CTNNA3: variants seen among roughly 807,000 people sequenced by gnomAD.
CTNNA3 encodes the protein catenin alpha-3.
In CTNNA3, 76 loss-of-function variants were observed where a neutral mutation model predicts 95.7. The ratio of observed to expected loss-of-function variants is 0.79; its 90% CI spans 0.66 to 0.96. The LOEUF (loss-of-function observed/expected upper bound fraction) is 0.96. Among genes scored for constraint, CTNNA3 ranks in the 40% least tolerant of loss-of-function variants. CTNNA3 has a pLI of 0.00. For missense variants in CTNNA3, 1,191 were observed against 1,089.8 expected, an observed-to-expected ratio of 1.09 and a Z score of -1.31; for synonymous variants, 431 against 374.4, an observed-to-expected ratio of 1.15 and a Z score of -1.74.
chr10:67,020,376 C>T (rs1305683564), intron 7 of CTNNA3, among the ~76,000 whole-genome samples: 1 of 152,024 alleles, frequency 6.6e-6, no homozygotes, highest in Non-Finnish European at 1.5e-5. Flanking sequence ...ATAATATGTC[C>T]CTTCTGAGCT....
In CTNNA3 at chr10:67,393,859, C is replaced by CT. The variant is rs1308081243; in HGVS notation, c.579+127982dup. On this transcript the variant is annotated intron_variant, in intron 5 of 17. Transcript: ENST00000433211. The stretch of plus-strand genomic sequence containing the variant: ...GAAATGGAGGAGATCTTCCAGAGTG[C>CT]TTATTAGTATTCTCATTTCTTGTGA... Among the ~76,000 whole-genome samples the CT allele has an allele frequency of 2.6e-5, 4 of 152,166 alleles. No homozygotes were observed. The East Asian group carries it at 7.7e-4, about 29-fold the overall frequency.
chr10:67,497,629 C>A (rs1214739525), intron 5 of CTNNA3, among the ~76,000 whole-genome samples: 1 of 152,164 alleles, frequency 6.6e-6, no homozygotes, highest in African/African-American at 2.4e-5. Context: ...GCCATTCTAA[C>A]TGGCGTGAGA....
At chr10:66,483,052 G>C (rs1027456094) in intron 11 of CTNNA3, among the ~76,000 whole-genome samples, 1 of 152,164 alleles carries the variant, frequency 6.6e-6, no homozygotes, top group Non-Finnish European at 1.5e-5. Context: ...CAATGAGACA[G>C]CACTGTCAGA....
chr10:66,143,511 T>A, intron 13 of CTNNA3, among the ~76,000 whole-genome samples: 1 of 152,138 alleles, frequency 6.6e-6, no homozygotes, highest in East Asian at 1.9e-4. Context: ...GCCACAAATC[T>A]TGTTTCTACT....
chr10:65,977,358 A>C (rs2078226262), intron 16 of CTNNA3, among the ~76,000 whole-genome samples: 1 of 152,208 alleles, frequency 6.6e-6, no homozygotes, highest in Non-Finnish European at 1.5e-5. Flanking sequence ...GAAAAATGTA[A>C]AAAAAATTCA....
chr10:67,730,810 G>GA (rs1348618931), intron 1 of CTNNA3, among the ~76,000 whole-genome samples: 1 of 152,038 alleles, frequency 6.6e-6, no homozygotes, highest in Non-Finnish European at 1.5e-5. Context: ...TAATCAAATA[G>GA]AAAACTAAGC....
At chr10:67,285,205 T>A (rs528603552) in intron 5 of CTNNA3, among the ~76,000 whole-genome samples, 14 of 152,294 alleles carry the variant, frequency 9.2e-5, no homozygotes, top group Admixed American at 9.2e-4. Flanking sequence ...CTTTTAAACA[T>A]TAGAAATTAG....
intron 11 of CTNNA3, among the ~76,000 whole-genome samples, chr10:66,499,750 A>G (rs571964734): frequency 5.3e-5 from 8 of 151,834 alleles, no homozygotes; most frequent in Non-Finnish European, 7.4e-5. Flanking sequence ...GAAAATATCT[A>G]TGGAACTCCT....
At chr10:66,810,640 T>C (rs1242329584) in intron 7 of CTNNA3, among the ~76,000 whole-genome samples, 1 of 65,076 alleles carries the variant, frequency 1.5e-5, no homozygotes, top group Non-Finnish European at 2.7e-5. Flanking sequence ...GTAAAATATT[T>C]TGTTACTTAA....
intron 11 of CTNNA3, among the ~76,000 whole-genome samples, chr10:66,436,935 C>T (rs985323905): frequency 6.6e-6 from 1 of 151,990 alleles, no homozygotes; most frequent in African/African-American, 2.4e-5. Flanking sequence ...TTTATTTCTC[C>T]TTCACTTATG....
upstream of CTNNA3, among the ~76,000 whole-genome samples, chr10:67,699,611 C>G (rs1841018058): frequency 6.6e-6 from 1 of 152,210 alleles, no homozygotes; most frequent in African/African-American, 2.4e-5. Flanking sequence ...TCAGGGATTA[C>G]TAAGAAGCAG....
intron 3 of CTNNA3, among the ~76,000 whole-genome samples, chr10:67,584,843 C>T (rs1676224791): frequency 6.6e-6 from 1 of 152,338 alleles, no homozygotes; most frequent in Non-Finnish European, 1.5e-5. Flanking sequence ...AGCGAGGCTC[C>T]ATGGGCATGG....
chr10:67,085,052 G>A (rs1294049073), intron 7 of CTNNA3, among the ~76,000 whole-genome samples: 1 of 151,882 alleles, frequency 6.6e-6, no homozygotes, highest in Non-Finnish European at 1.5e-5. Flanking sequence ...CAAATTTGCT[G>A]TCCAAATATG....
chr10:66,677,797 G>A (rs532610294), intron 9 of CTNNA3, among the ~76,000 whole-genome samples: 1 of 151,986 alleles, frequency 6.6e-6, no homozygotes, highest in South Asian at 2.1e-4. Flanking sequence ...CCGGTCTCTG[G>A]TATGTCTTTA....
At chr10:66,830,831 T>G (rs111412689) in intron 7 of CTNNA3, among the ~76,000 whole-genome samples, 17,885 of 151,958 alleles carry the variant, frequency 0.12, 1,177 homozygotes, top group Non-Finnish European at 0.16. Flanking sequence ...GGATGGTCTC[T>G]ATCTCCTGAC....
chr10:67,432,276 A>G (rs906852266), intron 5 of CTNNA3, among the ~76,000 whole-genome samples: 2 of 152,062 alleles, frequency 1.3e-5, no homozygotes, highest in East Asian at 1.9e-4. Context: ...GAAAATGTAC[A>G]CTTACATTAA....
chr10:67,684,612 C>A (rs1231510629), intron 1 of CTNNA3, among the ~76,000 whole-genome samples: 1 of 152,154 alleles, frequency 6.6e-6, no homozygotes, highest in African/African-American at 2.4e-5. Flanking sequence ...AAGGGGCCTG[C>A]CCTGCAGTTC....
At chr10:66,271,641 T>C (rs1019618614) in intron 13 of CTNNA3, among the ~76,000 whole-genome samples, 2 of 152,146 alleles carry the variant, frequency 1.3e-5, no homozygotes, top group African/African-American at 4.8e-5. Flanking sequence ...GGAGATGTTT[T>C]CAAAGGGAGA....
At chr10:67,535,702 G>A (rs1840467852) in intron 4 of CTNNA3, among the ~76,000 whole-genome samples, 1 of 152,068 alleles carries the variant, frequency 6.6e-6, no homozygotes, top group African/African-American at 2.4e-5. Flanking sequence ...ACATTTCATG[G>A]AAGTTACCTA....
Sources: gnomAD v4.1 joint callset for allele counts (sites outside exome capture counted in the v4.1 genomes callset) on GRCh38, gnomAD v4.1.1 for gene constraint, MANE v1.5 for transcripts, NCBI Gene and HGNC (gene_info 2026-07-23, HGNC 2026-07-21) for gene names.